The following SEPTIN9 variants were observed in gnomAD, a reference collection of about 807,000 sequenced individuals.
SEPTIN9 encodes the protein septin 9, also known as septin-9.
A neutral mutation model predicts 56.6 loss-of-function variants in SEPTIN9; 13 were observed. That is an observed-to-expected ratio of 0.23 (90% CI 0.15 to 0.37). The LOEUF is 0.37. SEPTIN9 is among the 10% of genes least tolerant of loss of function. The pLI is 1.00. For synonymous variants in SEPTIN9, 332 were observed against 334.1 expected (o/e 0.99, Z 0.07); for missense variants, 650 against 823.1 (o/e 0.79, Z 2.57).
At chr17:77,444,469 G>A (rs921910917) in intron 3 of SEPTIN9, among the ~76,000 whole-genome samples, 2 of 152,026 alleles carry the variant, frequency 1.3e-5, no homozygotes, top group South Asian at 4.1e-4. Flanking sequence ...AGAGGGCTGG[G>A]GGTCGGGGAG....
At chr17:77,349,598 A>T (rs1258607847) in intron 2 of SEPTIN9, among the ~76,000 whole-genome samples, 14 of 152,290 alleles carry the variant, frequency 9.2e-5, no homozygotes. Flanking sequence ...GATGCTTTTA[A>T]GACTTTTTAT....
At chr17:77,340,179 T>G (rs2033683085) in intron 2 of SEPTIN9, among the ~76,000 whole-genome samples, 1 of 151,936 alleles carries the variant, frequency 6.6e-6, no homozygotes, top group South Asian at 2.1e-4. Context: ...CTCCCTCTGT[T>G]GCCCAGGCTG....
chr17:77,490,637 G>A, intron 7 of SEPTIN9, 105 bp from the exon 8 acceptor site: 1 of 882,538 alleles, frequency 1.1e-6, no homozygotes, highest in Admixed American at 2.0e-5. Flanking sequence ...GGACCCCCGT[G>A]AGCCCCGAGC....
intron 1 of SEPTIN9, chr17:77,288,246 C>T: frequency 9.7e-7 from 1 of 1,026,836 alleles, no homozygotes; most frequent in East Asian, 5.8e-5. Context: ...TCCTCCCAGG[C>T]TGCTTAAATG....
Position 77,331,798 on chromosome 17 carries a change from G to C in SEPTIN9, c.76+24601G>C, listed in dbSNP as rs546789079. ...CTCCTTCCCCGCACAGGCACGGGGG[G>C]CCCGAGCCCTTGGGGTTCCTGTCCT... On this transcript the variant is annotated intron_variant, in intron 2 of 11. Transcript: ENST00000427177. 2.1e-3 allele frequency among the ~76,000 whole-genome samples: 316 copies of C among 152,328 alleles called. 1 individual carries two copies. Among genetic ancestry groups the C allele is most frequent in the Non-Finnish European group, 3.3e-3 (224 of 68,020 alleles).
intron 1 of SEPTIN9, among the ~76,000 whole-genome samples, chr17:77,300,866 A>C (rs1598485651): frequency 3.2e-4 from 4 of 12,398 alleles, no homozygotes; most frequent in Non-Finnish European, 6.2e-4. Context: ...AACCGCCCCC[A>C]TCCCAGCTCA....
intron 11 of SEPTIN9, chr17:77,497,755 G>T (rs1231706094): frequency 3.2e-6 from 1 of 310,744 alleles, no homozygotes; most frequent in Non-Finnish European, 6.2e-6. Flanking sequence ...CTTTCACCTG[G>T]CTGAGGCTTC....
intron 2 of SEPTIN9, among the ~76,000 whole-genome samples, chr17:77,352,695 C>T (rs1445490618): frequency 1.3e-5 from 2 of 152,130 alleles, no homozygotes; most frequent in Admixed American, 6.5e-5. Flanking sequence ...GACAGGTTCT[C>T]ATTCTGTCCT....
At chr17:77,401,080 G>A (rs931438541) in intron 2 of SEPTIN9, among the ~76,000 whole-genome samples, 1 of 152,172 alleles carries the variant, frequency 6.6e-6, no homozygotes, top group African/African-American at 2.4e-5. Flanking sequence ...GGGGGAGCCG[G>A]ACAACCAAGT....
Position 77,335,890 on chromosome 17 carries a change from ATATATACATGTAGGCCCCG to A in SEPTIN9, c.76+28695_76+28713del, listed in dbSNP as rs1346006725. On this transcript the variant is annotated intron_variant, in intron 2 of 11. Coordinates refer to ENST00000427177, the MANE Select transcript of SEPTIN9 (RefSeq NM_001113491.2). ...TGTGGTCCTGTATTAGTATATGTAC[ATATATACATGTAGGCCCCG>A]TGTTGACTGTATATGTGGTCCTGTA... Among the ~76,000 whole-genome samples the A allele has an allele frequency of 2.9e-4, 36 of 123,064 alleles. 2 individuals are homozygous for A. Among genetic ancestry groups the A allele is most frequent in the Non-Finnish European group, 4.3e-4 (24 of 55,748 alleles). 80.7% of individuals were successfully genotyped at this position (123,064 alleles called of 152,430 possible).
At chr17:77,307,403 T>C (rs986587909) in intron 2 of SEPTIN9, among the ~76,000 whole-genome samples, 24 of 152,186 alleles carry the variant, frequency 1.6e-4, no homozygotes, top group African/African-American at 5.8e-4. Flanking sequence ...CTGGAGATGA[T>C]CCTTGTGGGG....
intron 2 of SEPTIN9, among the ~76,000 whole-genome samples, chr17:77,353,797 T>C (rs1370152888): frequency 1.3e-5 from 2 of 152,152 alleles, no homozygotes; most frequent in Non-Finnish European, 2.9e-5. Context: ...TCATCGGAGC[T>C]CCAACATCTT....
chr17:77,431,863 G>C (rs312901), intron 3 of SEPTIN9, among the ~76,000 whole-genome samples: 22,985 of 148,612 alleles, frequency 0.15, 5,022 homozygotes, highest in African/African-American at 0.49. Context: ...AAGTTGCCAC[G>C]TTGTCACCTC....
In SEPTIN9 at chr17:77,482,781, C is replaced by G. The variant is rs1344893124; in HGVS notation, c.913+446C>G. 3 of 557,750 alleles carry G rather than the reference C, an allele frequency of 5.4e-6. No individual in the cohort carries two copies. In the Admixed American group the frequency reaches 9.3e-5, roughly 17 times the overall value. 34.6% of individuals were successfully genotyped at this position (557,750 alleles called of 1,614,324 possible). A position where few individuals can be genotyped will look rare whatever the true frequency, so the allele number is the denominator to read the frequency against. Reference sequence around the variant, plus strand: ...CAGCTCTGCCCTGGAATTGGGGCCTCGTGGCTTCCACACCCCCTGGTGGCC... The same window carrying G: ...CAGCTCTGCCCTGGAATTGGGGCCTGGTGGCTTCCACACCCCCTGGTGGCC... On this transcript the variant is annotated intron_variant, in intron 4 of 11. Coordinates refer to ENST00000427177, the MANE Select transcript of SEPTIN9 (RefSeq NM_001113491.2).
intron 3 of SEPTIN9, among the ~76,000 whole-genome samples, chr17:77,459,293 A>T (rs1208098461): frequency 6.6e-6 from 1 of 151,804 alleles, no homozygotes; most frequent in Non-Finnish European, 1.5e-5. Flanking sequence ...ACCTCCCCAG[A>T]CTCCTGGGGC....
intron 3 of SEPTIN9, among the ~76,000 whole-genome samples, chr17:77,461,900 G>A (rs555551755): frequency 2.6e-5 from 4 of 152,274 alleles, no homozygotes; most frequent in South Asian, 2.1e-4. Context: ...TTCCAGTCCC[G>A]AGACCCAGGA....
intron 1 of SEPTIN9, among the ~76,000 whole-genome samples, chr17:77,296,332 A>G (rs986900683): frequency 3.9e-5 from 6 of 152,192 alleles, no homozygotes; most frequent in Non-Finnish European, 7.3e-5. Context: ...GACAGCCAAT[A>G]GGAGATGGAT....
At chr17:77,287,955 C>G (rs942199348) in intron 1 of SEPTIN9, 5 of 1,051,294 alleles carry the variant, frequency 4.8e-6, no homozygotes, top group Admixed American at 5.5e-5. Flanking sequence ...GCTGGTCATC[C>G]TCAGAGCGGT....
chr17:77,476,384 G>C lies in SEPTIN9; in HGVS notation c.722-5760G>C. Among the ~76,000 whole-genome samples, 1 of 152,304 alleles carries C rather than the reference G, an allele frequency of 6.6e-6. No individual in the cohort carries two copies. Among genetic ancestry groups the C allele is most frequent in the East Asian group, 1.9e-4 (1 of 5,174 alleles). ...CCCAGCCAGATATCCTACAGCCCCC[G>C]TCCCAGCCACAGACAGCAATCTGAT... On this transcript the variant is annotated intron_variant, in intron 3 of 11. Transcript: ENST00000427177. The surrounding 1 kb of genome is among the most constrained non-coding windows in gnomAD (Gnocchi z 6.0).
Sources: allele counts gnomAD v4.1 joint callset (sites outside exome capture counted in the v4.1 genomes callset), GRCh38; gene constraint gnomAD v4.1.1; non-coding constraint Gnocchi (gnomAD v3.1); transcripts MANE v1.5; gene names NCBI Gene and HGNC (gene_info 2026-07-23, HGNC 2026-07-21).